Variants in DLG2 observed in about 807,000 individuals in gnomAD.
The protein encoded by DLG2 is disks large homolog 2.
In DLG2, 45 loss-of-function variants were observed where a neutral mutation model predicts 132.5. The ratio of observed to expected loss-of-function variants is 0.34; its 90% CI spans 0.27 to 0.44. The LOEUF (loss-of-function observed/expected upper bound fraction) is 0.44, where lower values mean the gene tolerates loss of function less well. Ranked by LOEUF, DLG2 falls within the 20% of genes least tolerant of loss-of-function variation. The probability of loss-of-function intolerance (pLI) is 1.00; values close to 1 mark genes in which losing one functional copy is unlikely to be tolerated. For synonymous variants in DLG2, 424 were observed against 419.6 expected (o/e 1.01, Z -0.13); for missense variants, 1,045 against 1,196.9 (o/e 0.87, Z 1.87).
At chr11:84,833,657 T>G (rs2079329392) in intron 6 of DLG2, among the ~76,000 whole-genome samples, 1 of 149,764 alleles carries the variant, frequency 6.7e-6, no homozygotes, top group Non-Finnish European at 1.5e-5. Context: ...GTGGCAGTTG[T>G]GGGGGGGTGG....
chr11:83,874,297 A>G, intron 16 of DLG2, 123 bp downstream of exon 16: 1 of 492,628 alleles, frequency 2.0e-6, no homozygotes, highest in Non-Finnish European at 3.3e-6. Flanking sequence ...GGAAGGGAGG[A>G]AGGAAGGAAA....
chr11:84,801,440 G>A (rs2075364785), intron 6 of DLG2, among the ~76,000 whole-genome samples: 1 of 152,134 alleles, frequency 6.6e-6, no homozygotes, highest in African/African-American at 2.4e-5. Context: ...GTGTGGTGGC[G>A]GGCGCCTGTA....
At chr11:84,982,535 C>T (rs2055905079) in intron 6 of DLG2, among the ~76,000 whole-genome samples, 2 of 152,006 alleles carry the variant, frequency 1.3e-5, no homozygotes, top group South Asian at 4.2e-4. Context: ...CATTGATTGT[C>T]CCAACTACCT....
intron 6 of DLG2, among the ~76,000 whole-genome samples, chr11:85,050,974 C>T (rs1364872023): frequency 6.6e-6 from 1 of 152,098 alleles, no homozygotes; most frequent in Non-Finnish European, 1.5e-5. Flanking sequence ...CCACTAGTGG[C>T]ATCATTAATG....
chr11:85,056,430 TA>T (rs769516199), intron 6 of DLG2, among the ~76,000 whole-genome samples: 21 of 152,114 alleles, frequency 1.4e-4, no homozygotes, highest in Middle Eastern at 3.4e-3. Flanking sequence ...AGAGTGGCAG[TA>T]AACCAGAAGA....
intron 11 of DLG2, among the ~76,000 whole-genome samples, chr11:84,014,800 C>T (rs2514167): frequency 0.98 from 149,524 of 152,082 alleles, 73,510 homozygotes; most frequent in East Asian, 1. Flanking sequence ...GTTTCTTGCA[C>T]AGGTGCACCT....
chr11:84,370,494 T>G (rs2098701730), intron 7 of DLG2, among the ~76,000 whole-genome samples: 2 of 152,112 alleles, frequency 1.3e-5, no homozygotes, highest in African/African-American at 4.8e-5. Context: ...TTAAATGATT[T>G]TAGAAATCAC....
chr11:85,149,639 A>C (rs1566937236), intron 5 of DLG2, among the ~76,000 whole-genome samples: 1 of 152,210 alleles, frequency 6.6e-6, no homozygotes, highest in Non-Finnish European at 1.5e-5. Context: ...GTATAAAAAA[A>C]CAGAATCCTA....
intron 17 of DLG2, among the ~76,000 whole-genome samples, chr11:83,822,992 C>T (rs1048754887): frequency 2.0e-5 from 3 of 152,118 alleles, no homozygotes; most frequent in African/African-American, 4.8e-5. Flanking sequence ...TTGAATAAAA[C>T]AGCAGCATGA....
intron 21 of DLG2, among the ~76,000 whole-genome samples, chr11:83,522,846 A>G (rs2095518429): frequency 6.9e-6 from 1 of 144,256 alleles, no homozygotes; most frequent in South Asian, 2.3e-4. Flanking sequence ...CAAGGTAATT[A>G]GGTATTTTTA....
intron 20 of DLG2, among the ~76,000 whole-genome samples, chr11:83,540,987 T>G (rs2096052639): frequency 6.6e-6 from 1 of 152,130 alleles, no homozygotes; most frequent in African/African-American, 2.4e-5. Flanking sequence ...GAAGCACATT[T>G]CTGCTTTTCA....
intron 6 of DLG2, among the ~76,000 whole-genome samples, chr11:84,944,498 A>T (rs1004937651): frequency 1.3e-5 from 2 of 151,668 alleles, no homozygotes; most frequent in Admixed American, 6.6e-5. Flanking sequence ...CTTCTGCTTG[A>T]TCAGTTCCGC....
At chr11:84,876,150 C>T (rs1278958652) in intron 6 of DLG2, among the ~76,000 whole-genome samples, 2 of 152,306 alleles carry the variant, frequency 1.3e-5, no homozygotes, top group East Asian at 1.9e-4. Context: ...AAGCAACTTA[C>T]CCAAGAACGC....
At chr11:84,192,834 T>C (rs1194850834) in intron 8 of DLG2, among the ~76,000 whole-genome samples, 4 of 152,344 alleles carry the variant, frequency 2.6e-5, no homozygotes, top group African/African-American at 9.6e-5. Context: ...GGACTGCAAA[T>C]GTAAACACTC....
chr11:85,044,897 A>G (rs2062192790), intron 6 of DLG2, among the ~76,000 whole-genome samples: 1 of 152,050 alleles, frequency 6.6e-6, no homozygotes, highest in Non-Finnish European at 1.5e-5. Context: ...AGCTTAAGTA[A>G]ATGGGAAATA....
chr11:83,652,628 T>G (rs958548724), intron 18 of DLG2, among the ~76,000 whole-genome samples: 2 of 152,186 alleles, frequency 1.3e-5, no homozygotes, highest in African/African-American at 4.8e-5. Flanking sequence ...TGCCCTGGCC[T>G]CCCACAGTGC....
intron 21 of DLG2, among the ~76,000 whole-genome samples, chr11:83,485,406 A>G (rs1207411448): frequency 6.6e-6 from 1 of 152,106 alleles, no homozygotes; most frequent in East Asian, 1.9e-4. Flanking sequence ...TTTCATATTC[A>G]TATATCATTA....
In DLG2 at chr11:85,335,879, G is replaced by T. The variant is rs748324710; in HGVS notation, c.41-50514C>A. The stretch of plus-strand genomic sequence containing the variant: ...TTAATGGGTGCAGCAAACCACCATG[G>T]TATGTGTACACCTATGTAACAAACC... On this transcript the variant is annotated intron_variant, in intron 3 of 27. Transcript: ENST00000376104. Among the ~76,000 whole-genome samples the T allele has an allele frequency of 3.3e-5, 5 of 152,056 alleles. 1 individual carries two copies. The highest frequency in any genetic ancestry group is 4.8e-5 in the African/African-American group (2 of 41,380).
chr11:84,730,769 C>T (rs2063059959), intron 6 of DLG2, among the ~76,000 whole-genome samples: 1 of 151,782 alleles, frequency 6.6e-6, no homozygotes, highest in African/African-American at 2.4e-5. Context: ...TCTTACATAC[C>T]CCCAGGAACA....
Sources: gnomAD v4.1 joint callset for allele counts (sites outside exome capture counted in the v4.1 genomes callset) on GRCh38, gnomAD v4.1.1 for gene constraint, MANE v1.5 for transcripts, NCBI Gene and HGNC (gene_info 2026-07-23, HGNC 2026-07-21) for gene names.